The following RO60 variants were observed in gnomAD, a reference collection of about 807,000 sequenced individuals.
The protein encoded by RO60 is RNA-binding protein RO60.
Under a neutral mutation model 55.3 loss-of-function variants are expected in RO60, and 20 were observed. The ratio of observed to expected loss-of-function variants is 0.36; its 90% CI spans 0.25 to 0.53. RO60 has a LOEUF of 0.53. Among genes scored for constraint, RO60 ranks in the 20% least tolerant of loss-of-function variants. The pLI, the probability that RO60 is intolerant of heterozygous loss-of-function variation, is 0.92. For missense variants in RO60, 558 were observed against 646.6 expected (o/e 0.86, Z 1.49); for synonymous variants, 213 against 213.6 (o/e 1.00, Z 0.02).
intron 3 of RO60, 122 bp from the exon 4 acceptor site, chr1:193,076,379 A>C: frequency 9.8e-7 from 1 of 1,018,012 alleles, no homozygotes; most frequent in Non-Finnish European, 1.4e-6. Context: ...TCATTCTGAA[A>C]GTACTTTGAA....
intron 5 of RO60, among the ~76,000 whole-genome samples, chr1:193,080,620 A>C (rs1315337841): frequency 6.6e-6 from 1 of 152,234 alleles, no homozygotes; most frequent in African/African-American, 2.4e-5. Flanking sequence ...TGAACAACCC[A>C]AATGTTCATC....
rs771952621 is a variant in RO60 at position 193,089,163 on chromosome 1, C to G, written c.*4432C>G. On this transcript the variant is annotated 3_prime_UTR_variant, in exon 9 of 9. Coordinates refer to ENST00000400968, the MANE Select transcript of RO60 (RefSeq NM_001173524.2). ...GCAGAAATTCTGTGGCCTTTAAGAT[C>G]AGTTATTCAGCCTTTGTAATTATGT... The G allele has an allele frequency of 6.6e-6, 1 of 152,104 alleles. No individual in the cohort carries two copies. 9.4% of individuals were successfully genotyped at this position (152,104 alleles called of 1,614,324 possible).
At chr1:193,064,136 G>A (rs937993746) in intron 1 of RO60, among the ~76,000 whole-genome samples, 5 of 152,180 alleles carry the variant, frequency 3.3e-5, no homozygotes, top group African/African-American at 9.7e-5. Context: ...ATCAGTTTTT[G>A]TTCACCAAGG....
chr1:193,079,531 C>A (rs1348430164), intron 5 of RO60, among the ~76,000 whole-genome samples: 1 of 152,078 alleles, frequency 6.6e-6, no homozygotes, highest in Non-Finnish European at 1.5e-5. Flanking sequence ...AGAATTAGTT[C>A]AAAGTGGATC....
In RO60 at chr1:193,085,216, TAA is replaced by T. The variant is rs567626813; in HGVS notation, c.*495_*496del. ...TCTGTAAACTTTTATACCAAGGGGG[TAA>T]AAAAAAAAACTAAGGCATTTGATTA... is the stretch of plus-strand genomic sequence containing the variant. On this transcript the variant is annotated 3_prime_UTR_variant, in exon 9 of 9. Coordinates refer to ENST00000400968, the MANE Select transcript of RO60 (RefSeq NM_001173524.2). 20 of 932,316 alleles carry T rather than the reference TAA, an allele frequency of 2.1e-5. No homozygotes were observed. Among genetic ancestry groups the T allele is most frequent in the Admixed American group, 4.9e-5 (1 of 20,408 alleles). The allele number at this position is 932,316 out of a possible 1,614,324, so 57.8% of individuals were successfully genotyped here.
chr1:193,059,905 T>A lies in RO60; in HGVS notation c.-22+129T>A. The A allele has an allele frequency of 7.3e-7, 1 of 1,365,876 alleles. No homozygotes were observed. Among genetic ancestry groups the A allele is most frequent in the South Asian group, 1.1e-5 (1 of 87,878 alleles). 84.6% of individuals were successfully genotyped at this position (1,365,876 alleles called of 1,614,324 possible). A position where few individuals can be genotyped will look rare whatever the true frequency, so the allele number is the denominator to read the frequency against. ...AGGCTGGGCAAACGCCGCGAAACTA[T>A]CGCTCTTCCCCGTCCCGCTTCCGCG... On this transcript the variant is annotated intron_variant, in intron 1 of 8. Coordinates refer to ENST00000400968, the MANE Select transcript of RO60 (RefSeq NM_001173524.2). The surrounding 1 kb of genome is among the most constrained non-coding windows in gnomAD (Gnocchi z 4.9).
chr1:193,069,015 C>A lies in RO60; in HGVS notation c.-21-19C>A. 1 of 1,539,054 alleles carries A rather than the reference C, an allele frequency of 6.5e-7. No individual in the cohort carries two copies. The highest frequency in any genetic ancestry group is 2.3e-5 in the East Asian group (1 of 44,154). On this transcript the variant is annotated intron_variant, in intron 1 of 8. Transcript: ENST00000400968. Reference sequence around the variant, plus strand: ...TATTGTGCCCATCTAGTTGTAATAACATTTTGCCTTTTTGTTAGGTTTCCT... The same window carrying A: ...TATTGTGCCCATCTAGTTGTAATAAAATTTTGCCTTTTTGTTAGGTTTCCT...
intron 2 of RO60, among the ~76,000 whole-genome samples, chr1:193,074,184 C>G (rs1217902829): frequency 6.6e-6 from 1 of 152,140 alleles, no homozygotes; most frequent in East Asian, 1.9e-4. Context: ...GTGAATAGTG[C>G]CGCAATAAAC....
At chr1:193,083,838 G>A (rs558022025) in intron 8 of RO60, among the ~76,000 whole-genome samples, 8 of 152,106 alleles carry the variant, frequency 5.3e-5, no homozygotes, top group Non-Finnish European at 8.8e-5. Context: ...TTGAAATTCT[G>A]GCCTCCCAAA....
rs566965986 is a variant in RO60, at chr1:193,074,655, T to G, written c.581-1165T>G. On this transcript the variant is annotated intron_variant, in intron 2 of 8. Transcript: ENST00000400968. ...TTAGCCCCTTGTCAGATGAGTAGAT[T>G]GCAAAAATTTTCTCCCATTCTGTAG... is the stretch of plus-strand genomic sequence containing the variant. 2.6e-5 allele frequency among the ~76,000 whole-genome samples: 4 copies of G among 152,358 alleles called. No individual in the cohort carries two copies. The South Asian group carries it at 8.3e-4, about 32-fold the overall frequency.
At chr1:193,081,544 G>T in intron 6 of RO60, 64 bp downstream of exon 6, 1 of 803,672 alleles carries the variant, frequency 1.2e-6, no homozygotes, top group Non-Finnish European at 2.1e-6. Flanking sequence ...AAAACTATAA[G>T]ATTAATAATG....
chr1:193,073,553 C>G (rs1380027841), intron 2 of RO60, among the ~76,000 whole-genome samples: 3 of 152,080 alleles, frequency 2.0e-5, no homozygotes, highest in African/African-American at 4.8e-5. Context: ...TAACAACTCT[C>G]TATTACATCA....
rs1331828669 is a variant in RO60, at chr1:193,088,805, T to C, written c.*4074T>C. ...TTAGTTGTATTTACTGTTTGGATTT[T>C]ATTTAGTGTTTCCTTGATGTCTGTT... On this transcript the variant is annotated 3_prime_UTR_variant, in exon 9 of 9. Transcript: ENST00000400968. 6.6e-6 allele frequency: 1 copy of C among 152,234 alleles called. No homozygotes were observed. The highest frequency in any genetic ancestry group is 1.9e-4 in the East Asian group (1 of 5,206). 9.4% of individuals were successfully genotyped at this position (152,234 alleles called of 1,614,324 possible). A position where few individuals can be genotyped will look rare whatever the true frequency, so the allele number is the denominator to read the frequency against.
Position 193,084,592 on chromosome 1 carries a change from C to A in RO60, c.1478C>A (p.Pro493Gln), listed in dbSNP as rs780977580. Reference sequence around the variant, plus strand: ...CTTTTTCTACAGAAAATGGATATTCCAGCTAAATTGATTGTTTGTGGAATG... The same window carrying A: ...CTTTTTCTACAGAAAATGGATATTCAAGCTAAATTGATTGTTTGTGGAATG... The part of the protein sequence containing the change: ...LREYRKKMDI[P>Q]AKLIVCGMTS... The change falls in exon 9 of 9, where the codon CCA becomes CAA. Residue 493 changes from proline (P) to glutamine (Q), a missense_variant. Coordinates refer to ENST00000400968, the MANE Select transcript of RO60 (RefSeq NM_001173524.2). The A allele has an allele frequency of 1.2e-6, 2 of 1,609,648 alleles. No homozygotes were observed. The highest frequency in any genetic ancestry group is 2.2e-5 in the South Asian group (2 of 90,012).
At chr1:193,060,627 C>T (rs1446177390) in intron 1 of RO60, among the ~76,000 whole-genome samples, 1 of 152,076 alleles carries the variant, frequency 6.6e-6, no homozygotes, top group Non-Finnish European at 1.5e-5. Flanking sequence ...ATGAAATAAA[C>T]GTGGTAAATT....
At chr1:193,091,584 G>C, downstream of RO60, 1 of 1,244,124 alleles carries the variant, frequency 8.0e-7, no homozygotes, top group Non-Finnish European at 1.2e-6. Context: ...ATATATTAAT[G>C]TATTACATTT....
In RO60 at chr1:193,081,373, C is replaced by G. The variant is rs774794690; in HGVS notation, c.1096C>G (p.Pro366Ala). 1.3e-6 allele frequency: 2 copies of G among 1,596,662 alleles called. No homozygotes were observed. The highest frequency in any genetic ancestry group is 2.2e-5 in the South Asian group (2 of 89,184). Residue 366 changes from proline (P) to alanine (A), a missense_variant, in exon 6 of 9, where the codon CCA (proline) becomes GCA (alanine). Transcript: ENST00000400968. ...AFYKTFKTVE[P>A]TGKRFLLAVD... is the part of the protein sequence containing the mutation. ...TTTGTTTTCTCTGTAGACAGTTGAA[C>G]CAACTGGAAAACGTTTCTTACTAGC...
Position 193,085,475 on chromosome 1 carries a change from T to G in RO60, c.*744T>G. ...TTTTTTTTGCTTTGTTATATTTTAT[T>G]GCTACAAGGGGTGTGACTTGATAAT... On this transcript the variant is annotated 3_prime_UTR_variant, in exon 9 of 9. Coordinates refer to ENST00000400968, the MANE Select transcript of RO60 (RefSeq NM_001173524.2). The G allele has an allele frequency of 1.0e-6, 1 of 985,602 alleles. No individual in the cohort carries two copies. Among genetic ancestry groups the G allele is most frequent in the Non-Finnish European group, 1.2e-6 (1 of 830,180 alleles). 61.1% of individuals were successfully genotyped at this position (985,602 alleles called of 1,614,324 possible).
intron 1 of RO60, chr1:193,060,158 A>G: frequency 8.6e-7 from 1 of 1,159,962 alleles, no homozygotes; most frequent in Non-Finnish European, 1.1e-6. Flanking sequence ...GGGTTTTGGA[A>G]GAAGGATCTT....
Sources: allele counts gnomAD v4.1 joint callset (sites outside exome capture counted in the v4.1 genomes callset), GRCh38; gene constraint gnomAD v4.1.1; non-coding constraint Gnocchi (gnomAD v3.1); transcripts MANE v1.5; gene names NCBI Gene and HGNC (gene_info 2026-07-23, HGNC 2026-07-21).